The following CFDP1 variants were observed in gnomAD, a reference collection of about 807,000 sequenced individuals.
The protein encoded by CFDP1 is chromatin remodeling protein CFDP1.
CFDP1 carries 31 observed loss-of-function variants against 40.1 expected under a neutral mutation model. That is an observed-to-expected ratio of 0.77 (90% CI 0.58 to 1.04). CFDP1 has a LOEUF of 1.04. Ranked by LOEUF, CFDP1 falls within the 50% of genes least tolerant of loss-of-function variation. The probability of loss-of-function intolerance (pLI) is 0.00; values close to 1 mark genes in which losing one functional copy is unlikely to be tolerated. For missense variants in CFDP1, 423 were observed against 343.4 expected, an observed-to-expected ratio of 1.23 and a Z score of -1.83; for synonymous variants, 167 against 120.0, an observed-to-expected ratio of 1.39 and a Z score of -2.56.
At chr16:75,385,638 A>G (rs2078890757) in intron 5 of CFDP1, among the ~76,000 whole-genome samples, 1 of 152,248 alleles carries the variant, frequency 6.6e-6, no homozygotes, top group Non-Finnish European at 1.5e-5. Context: ...AAAATGTACA[A>G]GACTCTTTTA....
At chr16:75,349,582 T>C (rs1039445546) in intron 5 of CFDP1, among the ~76,000 whole-genome samples, 6 of 136,574 alleles carry the variant, frequency 4.4e-5, no homozygotes, top group African/African-American at 1.6e-4. Flanking sequence ...TGACCCCAGG[T>C]TGAGAATGCA....
intron 5 of CFDP1, among the ~76,000 whole-genome samples, chr16:75,325,548 A>C (rs2078395552): frequency 6.6e-6 from 1 of 152,042 alleles, no homozygotes; most frequent in African/African-American, 2.4e-5. Context: ...TGTATCCCAT[A>C]ATTTATTTGT....
intron 5 of CFDP1, among the ~76,000 whole-genome samples, chr16:75,353,332 G>C (rs887875458): frequency 3.3e-5 from 5 of 152,056 alleles, no homozygotes; most frequent in African/African-American, 4.8e-5. Context: ...AAAAAGAAGA[G>C]ATACATACTG....
intron 5 of CFDP1, among the ~76,000 whole-genome samples, chr16:75,381,649 T>C (rs916919005): frequency 1.3e-5 from 2 of 152,180 alleles, no homozygotes; most frequent in Non-Finnish European, 2.9e-5. Context: ...TTTGGCAAGC[T>C]ACTGAATTTC....
At chr16:75,384,176 G>A (rs960677028) in intron 5 of CFDP1, among the ~76,000 whole-genome samples, 1 of 152,056 alleles carries the variant, frequency 6.6e-6, no homozygotes, top group African/African-American at 2.4e-5. Context: ...GGCCAACAAG[G>A]CGAAACCCCA....
intron 5 of CFDP1, among the ~76,000 whole-genome samples, chr16:75,377,372 C>T (rs1358986434): frequency 3.3e-5 from 5 of 152,208 alleles, no homozygotes; most frequent in African/African-American, 1.2e-4. Context: ...CATCATTCTT[C>T]TACCACTATA....
rs546724752 is a variant in CFDP1 at position 75,301,536 on chromosome 16, C to CTTTTTTTTTTTTTTTTTTTTTTTT, written c.809+3464_809+3487dup. Among the ~76,000 whole-genome samples, 5 of 53,966 alleles carry CTTTTTTTTTTTTTTTTTTTTTTTT rather than the reference C, an allele frequency of 9.3e-5. 1 individual carries two copies. The highest frequency in any genetic ancestry group is 3.4e-4 in the African/African-American group (5 of 14,506). 35.4% of individuals were successfully genotyped at this position (53,966 alleles called of 152,430 possible). A position where few individuals can be genotyped will look rare whatever the true frequency, so the allele number is the denominator to read the frequency against. ...TCTCAACATTAGAGTTTTGTTGTGTCTTTTTTTTTTTTTTTTTTTTTTTTT... is the reference window on the plus strand; with the variant it reads ...TCTCAACATTAGAGTTTTGTTGTGTCTTTTTTTTTTTTTTTTTTTTTTTTTTTTTTTTTTTTTTTTTTTTTTTTT... On this transcript the variant is annotated intron_variant, in intron 6 of 6. Coordinates refer to ENST00000283882, the MANE Select transcript of CFDP1 (RefSeq NM_006324.3).
chr16:75,356,055 C>T (rs1015329407), intron 5 of CFDP1, among the ~76,000 whole-genome samples: 1 of 152,298 alleles, frequency 6.6e-6, no homozygotes, highest in East Asian at 1.9e-4. Context: ...TTCTAAACTC[C>T]TGTTCCTGTG....
chr16:75,349,504 G>T (rs1765839600), intron 5 of CFDP1, among the ~76,000 whole-genome samples: 1 of 148,578 alleles, frequency 6.7e-6, no homozygotes, highest in Non-Finnish European at 1.5e-5. Context: ...GCGAGACTCT[G>T]TCTCAAAAAA....
intron 5 of CFDP1, among the ~76,000 whole-genome samples, chr16:75,394,133 T>A (rs148150944): frequency 6.6e-6 from 1 of 152,036 alleles, no homozygotes; most frequent in Non-Finnish European, 1.5e-5. Context: ...GAGGGGACAA[T>A]ATCTGACTGA....
intron 6 of CFDP1, among the ~76,000 whole-genome samples, chr16:75,299,647 T>A (rs2078208836): frequency 6.6e-6 from 1 of 151,772 alleles, no homozygotes; most frequent in South Asian, 2.1e-4. Flanking sequence ...AAGCCATGAC[T>A]ATCTGCTAGC....
chr16:75,330,417 T>C (rs1253981376), intron 5 of CFDP1, among the ~76,000 whole-genome samples: 1 of 152,142 alleles, frequency 6.6e-6, no homozygotes, highest in African/African-American at 2.4e-5. Context: ...TGAAACCCCA[T>C]CTCTACTAAA....
At chr16:75,401,930 T>TAATACATGATATATAGTAAGTGGC (rs1329503971) in intron 4 of CFDP1, among the ~76,000 whole-genome samples, 13 of 152,196 alleles carry the variant, frequency 8.5e-5, no homozygotes, top group Non-Finnish European at 1.5e-5. Flanking sequence ...CAAGTCATTG[T>TAATACATGATATATAGTAAGTGGC]AATACATGAT....
chr16:75,333,466 T>A (rs551578097), intron 5 of CFDP1, among the ~76,000 whole-genome samples: 1 of 152,316 alleles, frequency 6.6e-6, no homozygotes, highest in East Asian at 1.9e-4. Flanking sequence ...AGAAGGAGGA[T>A]TATTTGCATG....
chr16:75,371,861 G>T (rs182603602), intron 5 of CFDP1, among the ~76,000 whole-genome samples: 1 of 152,268 alleles, frequency 6.6e-6, no homozygotes, highest in East Asian at 1.9e-4. Context: ...TTTCCTTGAT[G>T]ATTTTATAAT....
chr16:75,433,336 G>A lies in CFDP1; in HGVS notation c.17C>T (p.Ser6Phe), dbSNP rs761113021. The A allele has an allele frequency of 6.3e-7, 1 of 1,598,224 alleles. No homozygotes were observed. The highest frequency in any genetic ancestry group is 8.5e-7 in the Non-Finnish European group (1 of 1,173,004). Residue 6 changes from serine to phenylalanine, a missense_variant, in exon 1 of 7, where the codon TCC becomes TTC. By Grantham distance (155) the Ser-to-Phe change is radical (BLOSUM62 -2). Transcript: ENST00000283882. MEEFDSEDFSTSEEDE... is the reference protein window; with the variant it reads MEEFDFEDFSTSEEDE... ...CTCCTCCGACGTAGAGAAGTCTTCGGAGTCGAATTCCTCCATGTTGCTGCC... is the reference window on the plus strand; with the variant it reads ...CTCCTCCGACGTAGAGAAGTCTTCGAAGTCGAATTCCTCCATGTTGCTGCC...
At chr16:75,366,790 C>A (rs1457770122) in intron 5 of CFDP1, among the ~76,000 whole-genome samples, 1 of 152,048 alleles carries the variant, frequency 6.6e-6, no homozygotes, top group Non-Finnish European at 1.5e-5. Flanking sequence ...GAATTGACTG[C>A]AAATGGGCAG....
At chr16:75,328,380 T>C (rs1254777780) in intron 5 of CFDP1, among the ~76,000 whole-genome samples, 2 of 145,312 alleles carry the variant, frequency 1.4e-5, no homozygotes, top group Non-Finnish European at 3.0e-5. Flanking sequence ...AGGTCAGGAG[T>C]TCGAGACCAG....
chr16:75,425,808 C>T (rs563185167), intron 1 of CFDP1, among the ~76,000 whole-genome samples: 3 of 151,636 alleles, frequency 2.0e-5, no homozygotes, highest in Admixed American at 6.6e-5. Context: ...CCGGGGTGGG[C>T]GGATTACCTG....
Sources: allele counts gnomAD v4.1 joint callset (sites outside exome capture counted in the v4.1 genomes callset), GRCh38; gene constraint gnomAD v4.1.1; transcripts MANE v1.5; gene names NCBI Gene and HGNC (gene_info 2026-07-23, HGNC 2026-07-21).